TXNDC17: variants seen among roughly 807,000 people sequenced by gnomAD.
The protein encoded by TXNDC17 is thioredoxin domain containing 17, also known as thioredoxin domain-containing protein 17.
TXNDC17 carries 12 observed loss-of-function variants against 16.3 expected under a neutral mutation model. The observed-to-expected ratio is 0.74, with a 90% CI of 0.47 to 1.19. The LOEUF is 1.19. TXNDC17 is among the 50% of genes most tolerant of loss of function. The pLI is 0.00. For synonymous variants in TXNDC17, 62 were observed against 55.0 expected (o/e 1.13, Z -0.56); for missense variants, 158 against 149.7 (o/e 1.06, Z -0.29).
intron 1 of TXNDC17, 98 bp downstream of exon 1, chr17:6,641,325 C>T: frequency 6.5e-7 from 1 of 1,536,438 alleles, no homozygotes; most frequent in Non-Finnish European, 8.8e-7. Flanking sequence ...GTCTTGGTTC[C>T]AGACATCCGC....
Position 6,641,089 on chromosome 17 carries a change from C to G in TXNDC17, c.7C>G (p.Arg3Gly), listed in dbSNP as rs748665184. Residue 3 changes from arginine to glycine, a missense_variant, in exon 1 of 4, where the codon CGC (arginine) becomes GGC (glycine). Transcript: ENST00000250101. ...GCGGCTGCACGTCGTGCCAATGGCC[C>G]GCTATGAGGAGGTGAGCGTGTCCGG... MARYEEVSVSGFE... is the reference protein window; with the variant it reads MAGYEEVSVSGFE... The G allele has an allele frequency of 1.9e-6, 3 of 1,612,892 alleles. No individual in the cohort carries two copies. The highest frequency in any genetic ancestry group is 1.7e-4 in the Middle Eastern group (1 of 5,968).
At chr17:6,642,449 GA>G in intron 3 of TXNDC17, 125 bp downstream of exon 3, 1 of 677,500 alleles carries the variant, frequency 1.5e-6, no homozygotes, top group South Asian at 2.1e-5. Flanking sequence ...GAGTGCTGCT[GA>G]AAGTCCATTC....
chr17:6,643,284 C>T lies in TXNDC17; in HGVS notation c.*265C>T, dbSNP rs543670349. The T allele has an allele frequency of 2.9e-4, 101 of 350,844 alleles. No individual in the cohort carries two copies. The highest frequency in any genetic ancestry group is 4.3e-4 in the Non-Finnish European group (83 of 191,394). The allele number at this position is 350,844 out of a possible 1,614,324, so 21.7% of individuals were successfully genotyped here. ...AGGTGACGGAAATACCTAAAAACTC[C>T]TAAAGGTGCAGAGCACACCTTCCAA... On this transcript the variant is annotated 3_prime_UTR_variant, in exon 4 of 4. Transcript: ENST00000250101.
At chr17:6,641,638 T>C in intron 1 of TXNDC17, 115 bp from the exon 2 acceptor site, 1 of 971,960 alleles carries the variant, frequency 1.0e-6, no homozygotes, top group Non-Finnish European at 1.6e-6. Flanking sequence ...TTCAGTTAGC[T>C]GCAGGTTAAA....
intron 2 of TXNDC17, 145 bp downstream of exon 2, chr17:6,641,979 T>A: frequency 1.3e-6 from 1 of 797,672 alleles, no homozygotes; most frequent in Non-Finnish European, 2.1e-6. Flanking sequence ...AATACAAATT[T>A]AAAATGCCCA....
Position 6,641,781 on chromosome 17 carries a change from G to A in TXNDC17, c.174G>A (p.Lys58=), listed in dbSNP as rs1972677204. The A allele has an allele frequency of 3.1e-6, 5 of 1,614,038 alleles. No individual in the cohort carries two copies. Among genetic ancestry groups the A allele is most frequent in the African/African-American group, 2.7e-5 (2 of 74,924 alleles). ...QAEPVVREGL[K]HISEGCVFIY... is the part of the protein sequence containing the mutation. ...AACCAGTCGTACGAGAGGGGCTGAA[G>A]CACATTAGTGAAGGATGTGTGTTCA... is the stretch of plus-strand genomic sequence containing the variant. The change falls in exon 2 of 4, where the codon AAG becomes AAA. Residue 58 remains lysine (K), a synonymous_variant. Coordinates refer to ENST00000250101, the MANE Select transcript of TXNDC17 (RefSeq NM_032731.4).
At chr17:6,641,353 C>A in intron 1 of TXNDC17, 126 bp downstream of exon 1, 1 of 1,351,280 alleles carries the variant, frequency 7.4e-7, no homozygotes, top group South Asian at 1.4e-5. Flanking sequence ...TCTGAGCTGT[C>A]CCCAAGTCTC....
Position 6,644,452 on chromosome 17 carries a change from T to C in TXNDC17, c.*1433T>C, listed in dbSNP as rs750429285. 6.3e-7 allele frequency: 1 copy of C among 1,580,094 alleles called. No individual in the cohort carries two copies. Among genetic ancestry groups the C allele is most frequent in the Admixed American group, 1.9e-5 (1 of 52,930 alleles). On this transcript the variant is annotated 3_prime_UTR_variant, in exon 4 of 4. Coordinates refer to ENST00000250101, the MANE Select transcript of TXNDC17 (RefSeq NM_032731.4). ...TTATATACATGTATTAAGTGCCTCG[T>C]TTGTATCCAGTTTTTCATTTTCCCG...
chr17:6,642,850 A>C, intron 3 of TXNDC17, 101 bp from the exon 4 acceptor site: 1 of 839,498 alleles, frequency 1.2e-6, no homozygotes, highest in Admixed American at 2.0e-5. Context: ...GAATTGCGTA[A>C]TTTCTGTGTT....
intron 1 of TXNDC17, 178 bp downstream of exon 1, chr17:6,641,405 C>T: frequency 1.2e-6 from 1 of 850,150 alleles, no homozygotes; most frequent in Non-Finnish European, 1.8e-6. Flanking sequence ...AGCGCTCTTC[C>T]TTTTACCACC....
rs907353297 is a variant in TXNDC17 at position 6,641,501 on chromosome 17, C to G, written c.146-252C>G. The G allele has an allele frequency of 4.8e-6, 3 of 630,932 alleles. No homozygotes were observed. In the African/African-American group the frequency reaches 5.5e-5, roughly 12 times the overall value. 39.1% of individuals were successfully genotyped at this position (630,932 alleles called of 1,614,324 possible). On this transcript the variant is annotated intron_variant, in intron 1 of 3. Coordinates refer to ENST00000250101, the MANE Select transcript of TXNDC17 (RefSeq NM_032731.4). The stretch of plus-strand genomic sequence containing the variant: ...TGTCTTACAGGATACGTGAGTTGGT[C>G]AGCAAATACATGTGCTTTCCATTGT...
chr17:6,644,303 A>G lies in TXNDC17; in HGVS notation c.*1284A>G. 1.4e-6 allele frequency: 1 copy of G among 730,658 alleles called. No individual in the cohort carries two copies. The highest frequency in any genetic ancestry group is 3.3e-5 in the South Asian group (1 of 30,726). 45.3% of individuals were successfully genotyped at this position (730,658 alleles called of 1,614,324 possible). The stretch of plus-strand genomic sequence containing the variant: ...TCAAAGAACAATTCAGGTTTAACAG[A>G]AATAGTCTATTAACAATAAAAAGTT... On this transcript the variant is annotated 3_prime_UTR_variant, in exon 4 of 4. Coordinates refer to ENST00000250101, the MANE Select transcript of TXNDC17 (RefSeq NM_032731.4).
In TXNDC17 at chr17:6,644,409, C is replaced by T; in HGVS notation, c.*1390C>T. On this transcript the variant is annotated 3_prime_UTR_variant, in exon 4 of 4. Transcript: ENST00000250101. ...AGAGTTTTCATTTTTTTTGTCTTCACTGTACAAAAGAAATACATTATATAC... is the reference window on the plus strand; with the variant it reads ...AGAGTTTTCATTTTTTTTGTCTTCATTGTACAAAAGAAATACATTATATAC... 3 of 1,475,672 alleles carry T rather than the reference C, an allele frequency of 2.0e-6. No individual in the cohort carries two copies. The highest frequency in any genetic ancestry group is 1.4e-5 in the African/African-American group (1 of 70,564). The allele number at this position is 1,475,672 out of a possible 1,614,324, so 91.4% of individuals were successfully genotyped here. A position where few individuals can be genotyped will look rare whatever the true frequency, so the allele number is the denominator to read the frequency against.
At chr17:6,641,356 C>A in intron 1 of TXNDC17, 129 bp downstream of exon 1, 2 of 1,344,100 alleles carry the variant, frequency 1.5e-6, no homozygotes, top group Non-Finnish European at 1.0e-6. Context: ...GAGCTGTCCC[C>A]AAGTCTCCTT....
chr17:6,642,746 T>A, intron 3 of TXNDC17: 1 of 560,138 alleles, frequency 1.8e-6, no homozygotes, highest in Non-Finnish European at 3.2e-6. Flanking sequence ...GTATTTGGGG[T>A]TTAAGTCTCT....
chr17:6,641,361 C>G (rs576970009), intron 1 of TXNDC17, 134 bp downstream of exon 1: 1 of 1,310,124 alleles, frequency 7.6e-7, no homozygotes, highest in Non-Finnish European at 1.0e-6. Context: ...GTCCCCAAGT[C>G]TCCTTCTATT....
At position 6,641,199 on chromosome 17, in the gene TXNDC17, G is replaced by T. The variant is rs34429955; in HGVS notation, c.117G>T (p.Gly39=). 6.1e-4 allele frequency: 978 copies of T among 1,613,604 alleles called. 8 individuals carry two copies. The African/African-American group carries it at 0.012, about 19-fold the overall frequency. ...AYFTGSKDAG[G]KSWCPDCVQA... ...TTACGGGTTCTAAGGACGCCGGGGG[G>T]AAAAGCTGGTGCCCCGACTGCGTGC... The change falls in exon 1 of 4, where the codon GGG becomes GGT. Residue 39 remains glycine, a synonymous_variant. Transcript: ENST00000250101.
At chr17:6,641,287 G>C in intron 1 of TXNDC17, 60 bp downstream of exon 1, 2 of 1,599,488 alleles carry the variant, frequency 1.3e-6, no homozygotes, top group Non-Finnish European at 1.7e-6. Context: ...CGAGCCTACG[G>C]CCAGAAGGGG....
At chr17:6,641,606 A>G (rs527475593) in intron 1 of TXNDC17, 147 bp from the exon 2 acceptor site, 15 of 792,820 alleles carry the variant, frequency 1.9e-5, no homozygotes, top group African/African-American at 1.9e-4. Context: ...CCAGAAGGGA[A>G]CACCTGACTT....
Sources: gnomAD v4.1 joint callset for allele counts on GRCh38, gnomAD v4.1.1 for gene constraint, MANE v1.5 for transcripts, NCBI Gene and HGNC (gene_info 2026-07-23, HGNC 2026-07-21) for gene names.